NRG2: variants seen among roughly 807,000 people sequenced by gnomAD.
NRG2 encodes neuregulin 2.
Under a neutral mutation model 73.9 loss-of-function variants are expected in NRG2, and 27 were observed. The observed-to-expected ratio is 0.37, with a 90% confidence interval of 0.27 to 0.50. The LOEUF is 0.50. NRG2 is among the 20% of genes least tolerant of loss of function. The probability of loss-of-function intolerance (pLI) is 0.96; values close to 1 mark genes in which losing one functional copy is unlikely to be tolerated. For synonymous variants in NRG2, 532 were observed against 541.0 expected (o/e 0.98, Z 0.23); for missense variants, 1,126 against 1,210.1 (o/e 0.93, Z 1.03).
chr5:139,983,727 G>A (rs1357590522), intron 1 of NRG2, among the ~76,000 whole-genome samples: 2 of 152,220 alleles, frequency 1.3e-5, no homozygotes, highest in Admixed American at 6.5e-5. Context: ...ACAGAAGTCC[G>A]AGAAATAATG....
chr5:139,865,643 G>A lies in NRG2; in HGVS notation c.1113-18C>T. ...TTGGACATCTGGAGAAGGAAAAGGG[G>A]AAAAATCACAGAACAAACTGGCATC... is the stretch of plus-strand genomic sequence containing the variant. On this transcript the variant is annotated intron_variant, in intron 4 of 9. Coordinates refer to ENST00000361474, the MANE Select transcript of NRG2 (RefSeq NM_004883.3). The surrounding 1 kb of genome is among the most constrained non-coding windows in gnomAD (Gnocchi z 5.2). 1 of 1,596,224 alleles carries A rather than the reference G, an allele frequency of 6.3e-7. No homozygotes were observed. Among genetic ancestry groups the A allele is most frequent in the Non-Finnish European group, 8.5e-7 (1 of 1,171,946 alleles).
At chr5:139,873,109 G>C (rs1284070428) in intron 3 of NRG2, among the ~76,000 whole-genome samples, 1 of 152,208 alleles carries the variant, frequency 6.6e-6, no homozygotes, top group Non-Finnish European at 1.5e-5. Flanking sequence ...ATGGAGCACA[G>C]GGGGCTGGGA....
At chr5:139,986,516 T>C (rs965430652) in intron 1 of NRG2, among the ~76,000 whole-genome samples, 1 of 152,164 alleles carries the variant, frequency 6.6e-6, no homozygotes, top group Non-Finnish European at 1.5e-5. Context: ...ATTTTTTAGA[T>C]GAGCAGGGAG....
chr5:139,946,435 T>C (rs567988693), intron 1 of NRG2, among the ~76,000 whole-genome samples: 49 of 152,124 alleles, frequency 3.2e-4, no homozygotes, highest in African/African-American at 1.2e-3. Context: ...AATAGTGAAG[T>C]TGGATACCTA....
rs572244644 is a variant in NRG2 at position 139,973,815 on chromosome 5, C to T, written c.700+68555G>A. On this transcript the variant is annotated intron_variant, in intron 1 of 9. Transcript: ENST00000361474. ...GGTTCGTAGACAGCTGTCGTGATTG[C>T]CCTCACAACGCGGCCTCACATACTT... is the stretch of plus-strand genomic sequence containing the variant. Among the ~76,000 whole-genome samples the T allele has an allele frequency of 2.6e-5, 4 of 152,252 alleles. No individual in the cohort carries two copies. In the South Asian group the frequency reaches 8.3e-4, roughly 32 times the overall value.
At chr5:139,939,248 C>CCTTCT (rs1561694694) in intron 1 of NRG2, among the ~76,000 whole-genome samples, 186 of 137,750 alleles carry the variant, frequency 1.4e-3, no homozygotes, top group African/African-American at 5.6e-3. Context: ...TCCTTCCTTT[C>CCTTCT]TTTCTTTCTT....
In NRG2 at chr5:139,871,760, A is replaced by T; in HGVS notation, c.1073T>A (p.Val358Asp). 3 of 1,614,074 alleles carry T rather than the reference A, an allele frequency of 1.9e-6. No individual in the cohort carries two copies. Among genetic ancestry groups the T allele is most frequent in the Non-Finnish European group, 2.5e-6 (3 of 1,179,990 alleles). Residue 358 changes from valine to aspartate, a missense_variant, in exon 4 of 10, where the codon GTC becomes GAC. Val to Asp is a radical substitution (Grantham distance 152, BLOSUM62 -3). Transcript: ENST00000361474. ...GTTGATGCCCTCGATGTAGTAGCAG[A>T]CGCCTCCATTGACGCAATAGGACTT... ...TAKSYCVNGG[V>D]CYYIEGINQL... is the part of the protein sequence containing the mutation.
chr5:139,945,732 A>G (rs1288464593), intron 1 of NRG2, among the ~76,000 whole-genome samples: 2 of 152,048 alleles, frequency 1.3e-5, no homozygotes, highest in Non-Finnish European at 2.9e-5. Context: ...AGTCTACTAA[A>G]AAAAGCCATT....
intron 1 of NRG2, among the ~76,000 whole-genome samples, chr5:139,975,833 TGCTTTCTA>T (rs1756344508): frequency 6.6e-6 from 1 of 152,194 alleles, no homozygotes; most frequent in South Asian, 2.1e-4. Flanking sequence ...CAGCAATTGG[TGCTTTCTA>T]GATACTTGGG....
chr5:139,897,483 G>A (rs1056790759), intron 1 of NRG2, among the ~76,000 whole-genome samples: 7 of 152,086 alleles, frequency 4.6e-5, no homozygotes, highest in African/African-American at 1.4e-4. Flanking sequence ...ACTTTCACAC[G>A]CTCTTCTCGG....
chr5:139,970,630 T>C (rs796866382), intron 1 of NRG2, among the ~76,000 whole-genome samples: 1 of 152,328 alleles, frequency 6.6e-6, no homozygotes, highest in African/African-American at 2.4e-5. Flanking sequence ...CTTATCTCCT[T>C]TTTCAGGGTA....
chr5:139,968,872 C>T (rs922348081), intron 1 of NRG2, among the ~76,000 whole-genome samples: 4 of 152,250 alleles, frequency 2.6e-5, no homozygotes, highest in African/African-American at 9.6e-5. Context: ...CCAGCCTCAG[C>T]CCAGGAGGAG....
chr5:139,980,965 C>A (rs1325751351), intron 1 of NRG2, among the ~76,000 whole-genome samples: 1 of 152,160 alleles, frequency 6.6e-6, no homozygotes, highest in Non-Finnish European at 1.5e-5. Flanking sequence ...TCTCAGGGGG[C>A]AGGCAGAAGG....
At chr5:140,021,589 A>G (rs1760231197) in intron 1 of NRG2, among the ~76,000 whole-genome samples, 2 of 152,168 alleles carry the variant, frequency 1.3e-5, no homozygotes, top group African/African-American at 2.4e-5. Flanking sequence ...ATAAAATATC[A>G]CCTCTGCAAC....
intron 1 of NRG2, among the ~76,000 whole-genome samples, chr5:139,975,066 T>C (rs1756282104): frequency 6.6e-6 from 1 of 152,226 alleles, no homozygotes; most frequent in African/African-American, 2.4e-5. Flanking sequence ...GTCGTACATG[T>C]CTACTTGTCA....
intron 1 of NRG2, among the ~76,000 whole-genome samples, chr5:139,925,119 G>C (rs946042896): frequency 1.3e-5 from 2 of 152,174 alleles, no homozygotes; most frequent in Admixed American, 6.5e-5. Flanking sequence ...GATGAAGTAG[G>C]GGTGGTGGAG....
In NRG2 at chr5:139,894,773, T is replaced by G; in HGVS notation, c.701-7262A>C. Among the ~76,000 whole-genome samples, 1 of 152,176 alleles carries G rather than the reference T, an allele frequency of 6.6e-6. No homozygotes were observed. Among genetic ancestry groups the G allele is most frequent in the East Asian group, 1.9e-4 (1 of 5,184 alleles). On this transcript the variant is annotated intron_variant, in intron 1 of 9. Coordinates refer to ENST00000361474, the MANE Select transcript of NRG2 (RefSeq NM_004883.3). This position sits in a 1 kb window ranked among gnomAD's most constrained non-coding sequence, Gnocchi z 5.0. Reference sequence around the variant, plus strand: ...CAGGGATTTGGTGCCAAATAAGACATGGCCCTGGTGTCGGGTTGGTCTCTG... The same window carrying G: ...CAGGGATTTGGTGCCAAATAAGACAGGGCCCTGGTGTCGGGTTGGTCTCTG...
intron 3 of NRG2, among the ~76,000 whole-genome samples, chr5:139,873,572 T>TC (rs1762995544): frequency 6.6e-6 from 1 of 152,198 alleles, no homozygotes; most frequent in Non-Finnish European, 1.5e-5. Context: ...CTGTACATCC[T>TC]CCCCATCAGC....
chr5:139,863,980 C>G lies in NRG2; in HGVS notation c.1189+1569G>C, dbSNP rs370118098. Among the ~76,000 whole-genome samples the G allele has an allele frequency of 4.6e-5, 7 of 152,298 alleles. No homozygotes were observed. The South Asian group carries it at 1.5e-3, about 32-fold the overall frequency. Reference sequence around the variant, plus strand: ...TTCTCCACCCTGAGACCTAAATCCCCAAACCCCTTTTCTCCAAGGCTACCT... The same window carrying G: ...TTCTCCACCCTGAGACCTAAATCCCGAAACCCCTTTTCTCCAAGGCTACCT... On this transcript the variant is annotated intron_variant, in intron 5 of 9. Coordinates refer to ENST00000361474, the MANE Select transcript of NRG2 (RefSeq NM_004883.3).
Sources: gnomAD v4.1 joint callset for allele counts (sites outside exome capture counted in the v4.1 genomes callset) on GRCh38, gnomAD v4.1.1 for gene constraint, Gnocchi (gnomAD v3.1) non-coding constraint, MANE v1.5 for transcripts, NCBI Gene and HGNC (gene_info 2026-07-23, HGNC 2026-07-21) for gene names.